The following EXOC1 variants were observed in gnomAD, a reference collection of about 807,000 sequenced individuals.
EXOC1 encodes exocyst complex component 1.
In EXOC1, 67 loss-of-function variants were observed where a neutral mutation model predicts 107.7. The ratio of observed to expected loss-of-function variants is 0.62; its 90% CI spans 0.51 to 0.76. The LOEUF (loss-of-function observed/expected upper bound fraction) is 0.76, where lower values mean the gene tolerates loss of function less well. Ranked by LOEUF, EXOC1 falls within the 30% of genes least tolerant of loss-of-function variation. The pLI is 0.00. For missense variants in EXOC1, 833 were observed against 1,055.7 expected (o/e 0.79, Z 2.92); for synonymous variants, 348 against 353.5 (o/e 0.98, Z 0.17).
intron 10 of EXOC1, among the ~76,000 whole-genome samples, chr4:55,885,423 T>C (rs907774113): frequency 3.3e-5 from 5 of 152,184 alleles, no homozygotes; most frequent in African/African-American, 4.8e-5. Flanking sequence ...TTTTTCCTCC[T>C]TGAGAAATTC....
chr4:55,883,380 T>C (rs1241892177), intron 9 of EXOC1: 3 of 152,364 alleles, frequency 2.0e-5, no homozygotes, highest in African/African-American at 4.8e-5. Flanking sequence ...AAAAGCTTAT[T>C]GTAACATTGT....
intron 5 of EXOC1, 73 bp downstream of exon 5, chr4:55,868,596 C>G: frequency 7.3e-7 from 1 of 1,374,626 alleles, no homozygotes; most frequent in Non-Finnish European, 1.0e-6. Context: ...TCATATTATA[C>G]TACCTCAGCA....
chr4:55,885,292 TC>T (rs1577737448), intron 10 of EXOC1, among the ~76,000 whole-genome samples: 3 of 152,282 alleles, frequency 2.0e-5, no homozygotes, highest in Admixed American at 6.5e-5. Context: ...AGGTCATTAA[TC>T]CCAGTATCAT....
intron 11 of EXOC1, among the ~76,000 whole-genome samples, chr4:55,889,752 A>G (rs906150318): frequency 5.9e-5 from 9 of 152,024 alleles, no homozygotes; most frequent in African/African-American, 1.7e-4. Flanking sequence ...ATGTGGTTCA[A>G]CCTAATATAT....
chr4:55,869,218 T>C (rs1178037664), intron 5 of EXOC1, among the ~76,000 whole-genome samples: 1 of 151,628 alleles, frequency 6.6e-6, no homozygotes, highest in Non-Finnish European at 1.5e-5. Flanking sequence ...AAAAAAAAAT[T>C]AGCCAGACAT....
chr4:55,876,182 T>C (rs1722880092), intron 8 of EXOC1: 1 of 985,396 alleles, frequency 1.0e-6, no homozygotes, highest in African/African-American at 1.7e-5. Context: ...AAAGATATGG[T>C]AGCCCAGGCA....
intron 17 of EXOC1, 57 bp downstream of exon 17, chr4:55,899,941 G>A (rs983237189): frequency 5.6e-6 from 8 of 1,430,554 alleles, no homozygotes; most frequent in Non-Finnish European, 7.6e-6. Context: ...ACATAAGTTT[G>A]CATATGAATA....
chr4:55,897,157 C>G (rs567648674), intron 16 of EXOC1, among the ~76,000 whole-genome samples: 131 of 149,506 alleles, frequency 8.8e-4, no homozygotes, highest in African/African-American at 3.0e-3. Flanking sequence ...AGATGGGCCT[C>G]ACTCTGTCGC....
At chr4:55,872,299 A>G (rs922931973) in intron 8 of EXOC1, among the ~76,000 whole-genome samples, 8 of 152,080 alleles carry the variant, frequency 5.3e-5, no homozygotes, top group African/African-American at 1.9e-4. Context: ...TTTATTTTTC[A>G]GTATTTTGAG....
intron 16 of EXOC1, among the ~76,000 whole-genome samples, 157 bp downstream of exon 16, chr4:55,897,057 C>G (rs1432265772): frequency 6.6e-6 from 1 of 151,536 alleles, no homozygotes; most frequent in African/African-American, 2.4e-5. Context: ...AAAATAAAAC[C>G]TATTTGTATT....
chr4:55,880,953 G>A (rs1369570315), intron 9 of EXOC1, among the ~76,000 whole-genome samples: 6 of 152,080 alleles, frequency 3.9e-5, no homozygotes, highest in Admixed American at 2.6e-4. Context: ...AGAAAGGAAT[G>A]AAGAAAAAAG....
chr4:55,891,250 G>T, intron 12 of EXOC1, 65 bp from the exon 13 acceptor site: 1 of 950,234 alleles, frequency 1.1e-6, no homozygotes, highest in Non-Finnish European at 1.7e-6. Context: ...AAAATTAAAT[G>T]TGGAGTGTTA....
At chr4:55,882,730 A>G (rs1211724303) in intron 9 of EXOC1, 1 of 152,212 alleles carries the variant, frequency 6.6e-6, no homozygotes, top group Non-Finnish European at 1.5e-5. Context: ...TCAATATACA[A>G]ATATTTACAC....
Position 55,864,405 on chromosome 4 carries a change from G to A in EXOC1, c.415+19G>A, listed in dbSNP as rs374438303. The A allele has an allele frequency of 3.2e-6, 5 of 1,575,596 alleles. No homozygotes were observed. The African/African-American group carries it at 5.5e-5, about 17-fold the overall frequency. On this transcript the variant is annotated intron_variant, in intron 4 of 18. Coordinates refer to ENST00000381295, the MANE Select transcript of EXOC1 (RefSeq NM_001024924.2). Reference sequence around the variant, plus strand: ...TTGGAAGGTAAAGTTAAATAAAAATGTATATGTAAAATCAATTATATCTTT... The same window carrying A: ...TTGGAAGGTAAAGTTAAATAAAAATATATATGTAAAATCAATTATATCTTT...
chr4:55,882,099 T>TTTG (rs57694786), intron 9 of EXOC1, among the ~76,000 whole-genome samples: 32 of 150,952 alleles, frequency 2.1e-4, no homozygotes, highest in East Asian at 9.8e-4. Context: ...CCATAGGGTT[T>TTTG]TTGTTGTTGT....
chr4:55,874,303 T>A (rs1722700582), intron 8 of EXOC1, among the ~76,000 whole-genome samples: 1 of 152,128 alleles, frequency 6.6e-6, no homozygotes, highest in South Asian at 2.1e-4. Flanking sequence ...ATTAGTAAAA[T>A]TAAAAGAAAT....
At chr4:55,863,726 C>G (rs976234441) in intron 3 of EXOC1, among the ~76,000 whole-genome samples, 6 of 152,166 alleles carry the variant, frequency 3.9e-5, no homozygotes, top group Non-Finnish European at 8.8e-5. Flanking sequence ...TTTCACCTCA[C>G]TTGTTCTTAG....
At chr4:55,866,235 A>C (rs1462214816) in intron 4 of EXOC1, among the ~76,000 whole-genome samples, 1 of 152,222 alleles carries the variant, frequency 6.6e-6, no homozygotes, top group Non-Finnish European at 1.5e-5. Flanking sequence ...TGAATACGTA[A>C]GTTAAATAAT....
At chr4:55,881,505 A>T (rs1723374108) in intron 9 of EXOC1, among the ~76,000 whole-genome samples, 1 of 152,096 alleles carries the variant, frequency 6.6e-6, no homozygotes, top group South Asian at 2.1e-4. Context: ...TCCTGACGAC[A>T]TGTGCCCAAG....
Sources: gnomAD v4.1 joint callset for allele counts (sites outside exome capture counted in the v4.1 genomes callset) on GRCh38, gnomAD v4.1.1 for gene constraint, MANE v1.5 for transcripts, NCBI Gene and HGNC (gene_info 2026-07-23, HGNC 2026-07-21) for gene names.